PTPRD: variants seen among roughly 807,000 people sequenced by gnomAD.
PTPRD encodes protein tyrosine phosphatase receptor type D.
PTPRD carries 34 observed loss-of-function variants against 214.5 expected under a neutral mutation model. That is an observed-to-expected ratio of 0.16 (90% CI 0.12 to 0.21). The LOEUF (loss-of-function observed/expected upper bound fraction) is 0.21, where lower values mean the gene tolerates loss of function less well. Ranked by LOEUF, PTPRD falls within the 10% of genes least tolerant of loss-of-function variation. The pLI is 1.00. For missense variants in PTPRD, 2,545 were observed against 2,398.7 expected (o/e 1.06, Z -1.27); for synonymous variants, 1,128 against 845.7 (o/e 1.33, Z -5.79).
intron 4 of PTPRD, among the ~76,000 whole-genome samples, chr9:10,018,544 T>G (rs1340544228): frequency 1.0e-5 from 1 of 96,692 alleles, no homozygotes; most frequent in Non-Finnish European, 2.4e-5. Flanking sequence ...ATTTCTTTTT[T>G]TTTTTTTTTT....
chr9:8,916,606 AG>A (rs2098787930), intron 11 of PTPRD, among the ~76,000 whole-genome samples: 2 of 152,206 alleles, frequency 1.3e-5, no homozygotes, highest in Non-Finnish European at 2.9e-5. Flanking sequence ...TAAAATTCTC[AG>A]TGATATAGTT....
chr9:9,800,807 T>C (rs377249909), intron 5 of PTPRD: 1 of 152,138 alleles, frequency 6.6e-6, no homozygotes, highest in Non-Finnish European at 1.5e-5. Flanking sequence ...TCCACATCTC[T>C]AGCTGATAGC....
chr9:8,333,704 T>C (rs1843723565), intron 43 of PTPRD, among the ~76,000 whole-genome samples: 1 of 152,120 alleles, frequency 6.6e-6, no homozygotes, highest in African/African-American at 2.4e-5. Context: ...CATATAACAA[T>C]ATTAACCTTA....
rs5896343 is a variant in PTPRD, at chr9:9,620,866, G to GA, written c.-286-46086dup. 1.2e-3 allele frequency among the ~76,000 whole-genome samples: 170 copies of GA among 139,400 alleles called. 1 individual carries two copies. The South Asian group carries it at 0.018, about 15-fold the overall frequency. 91.5% of individuals were successfully genotyped at this position (139,400 alleles called of 152,430 possible). ...TCTAAATGCAAATTGAAAGAGAGGA[G>GA]AAAAAAAAAAAAAAGAGCAAAGCAT... On this transcript the variant is annotated intron_variant, in intron 7 of 45. Transcript: ENST00000381196.
chr9:9,709,366 G>A (rs943813635), intron 7 of PTPRD, among the ~76,000 whole-genome samples: 39 of 151,836 alleles, frequency 2.6e-4, no homozygotes, highest in African/African-American at 8.9e-4. Flanking sequence ...AAACTGAAAT[G>A]GCAAGATACC....
intron 10 of PTPRD, among the ~76,000 whole-genome samples, chr9:9,114,273 G>A (rs2099810031): frequency 1.3e-5 from 2 of 152,106 alleles, no homozygotes; most frequent in Non-Finnish European, 2.9e-5. Flanking sequence ...TGAAACGAGG[G>A]CACTTATGTC....
At chr9:8,378,030 G>A (rs1196411302) in intron 37 of PTPRD, among the ~76,000 whole-genome samples, 1 of 152,034 alleles carries the variant, frequency 6.6e-6, no homozygotes, top group Non-Finnish European at 1.5e-5. Context: ...TATACAGTAA[G>A]CTAGATATTA....
At chr9:8,612,795 C>T (rs1423912466) in intron 14 of PTPRD, among the ~76,000 whole-genome samples, 3 of 152,274 alleles carry the variant, frequency 2.0e-5, no homozygotes, top group Non-Finnish European at 4.4e-5. Context: ...CAGTAGAGAA[C>T]AATGAAGACA....
rs1360831158 is a variant in PTPRD at position 10,448,986 on chromosome 9, A to C, written c.-599-107969T>G. 7.9e-5 allele frequency among the ~76,000 whole-genome samples: 12 copies of C among 151,940 alleles called. 1 individual carries two copies. The highest frequency in any genetic ancestry group is 7.9e-4 in the Admixed American group (12 of 15,282). On this transcript the variant is annotated intron_variant, in intron 2 of 45. Coordinates refer to ENST00000381196, the MANE Select transcript of PTPRD (RefSeq NM_002839.4). ...TTATTCATATCTTTGAACTTAAGAC[A>C]AAACCAATATAATTTTAAATTGTAC...
chr9:8,532,406 A>G (rs2075939231), intron 14 of PTPRD, among the ~76,000 whole-genome samples: 1 of 152,112 alleles, frequency 6.6e-6, no homozygotes, highest in Admixed American at 6.6e-5. Context: ...GCCATTTGAT[A>G]ACATCAATTT....
intron 2 of PTPRD, chr9:10,532,555 A>C (rs1189652834): frequency 6.7e-6 from 1 of 148,372 alleles, no homozygotes; most frequent in Non-Finnish European, 1.5e-5. Context: ...TTGTGCTGTA[A>C]AAGTCCTATA....
At chr9:9,245,622 G>A (rs568064700) in intron 9 of PTPRD, among the ~76,000 whole-genome samples, 1 of 152,136 alleles carries the variant, frequency 6.6e-6, no homozygotes, top group East Asian at 1.9e-4. Flanking sequence ...CCTGTTGTGG[G>A]GTGGGGGGAT....
At chr9:9,265,915 A>G (rs1939325070) in intron 9 of PTPRD, among the ~76,000 whole-genome samples, 1 of 151,632 alleles carries the variant, frequency 6.6e-6, no homozygotes, top group Admixed American at 6.6e-5. Flanking sequence ...AATAAATTAC[A>G]TTCTCCAATC....
chr9:9,929,409 T>G (rs912244220), intron 5 of PTPRD, among the ~76,000 whole-genome samples: 2 of 152,170 alleles, frequency 1.3e-5, no homozygotes, highest in Non-Finnish European at 2.9e-5. Flanking sequence ...ACTTGTTTTT[T>G]GAGACAGAGT....
intron 31 of PTPRD, among the ~76,000 whole-genome samples, chr9:8,468,882 G>T (rs1348657141): frequency 6.7e-6 from 1 of 149,972 alleles, no homozygotes; most frequent in African/African-American, 2.4e-5. Flanking sequence ...ACTTTCATTT[G>T]TTCCCCTCCA....
At chr9:9,204,135 T>C (rs2099943437) in intron 9 of PTPRD, among the ~76,000 whole-genome samples, 1 of 152,196 alleles carries the variant, frequency 6.6e-6, no homozygotes, top group Non-Finnish European at 1.5e-5. Context: ...ATTCATCATG[T>C]GAATTCAAGA....
Position 10,542,618 on chromosome 9 carries a change from T to C in PTPRD, c.-600+69780A>G, listed in dbSNP as rs1399061322. 4.6e-5 allele frequency among the ~76,000 whole-genome samples: 7 copies of C among 152,314 alleles called. No individual in the cohort carries two copies. In the East Asian group the frequency reaches 1.3e-3, roughly 29 times the overall value. On this transcript the variant is annotated intron_variant, in intron 2 of 45. Transcript: ENST00000381196. ...TATTTTTCTCTCAGAGTTATAATAG[T>C]TGTTGATCACTTACCTTTATATTGG...
intron 8 of PTPRD, among the ~76,000 whole-genome samples, chr9:9,463,647 T>A (rs981633862): frequency 1.3e-5 from 2 of 152,178 alleles, no homozygotes; most frequent in African/African-American, 4.8e-5. Flanking sequence ...TTATTTTTTT[T>A]AAATTTTACA....
intron 9 of PTPRD, among the ~76,000 whole-genome samples, chr9:9,377,161 T>G (rs1198978757): frequency 6.6e-6 from 1 of 152,132 alleles, no homozygotes; most frequent in Non-Finnish European, 1.5e-5. Context: ...TATAAGGTTT[T>G]TATGCATAAA....
Sources: gnomAD v4.1 joint callset for allele counts (sites outside exome capture counted in the v4.1 genomes callset) on GRCh38, gnomAD v4.1.1 for gene constraint, MANE v1.5 for transcripts, NCBI Gene and HGNC (gene_info 2026-07-23, HGNC 2026-07-21) for gene names.